SPAG7: variants seen among roughly 807,000 people sequenced by gnomAD.
SPAG7 encodes the protein sperm associated antigen 7, also known as sperm-associated antigen 7.
In SPAG7, 20 loss-of-function variants were observed where a neutral mutation model predicts 30.6. The observed-to-expected ratio is 0.65, with a 90% confidence interval of 0.46 to 0.95. The LOEUF (loss-of-function observed/expected upper bound fraction) is 0.95. SPAG7 is among the 40% of genes least tolerant of loss of function. The pLI, the probability that SPAG7 is intolerant of heterozygous loss-of-function variation, is 0.00. For synonymous variants in SPAG7, 127 were observed against 104.2 expected (o/e 1.22, Z -1.33); for missense variants, 276 against 291.1 (o/e 0.95, Z 0.38).
intron 1 of SPAG7, among the ~76,000 whole-genome samples, chr17:4,962,315 T>C (rs1971876170): frequency 6.6e-6 from 1 of 152,186 alleles, no homozygotes; most frequent in African/African-American, 2.4e-5. Context: ...GGTTTCACCA[T>C]GTTGGCCAGG....
intron 2 of SPAG7, 83 bp from the exon 3 acceptor site, chr17:4,960,630 A>G (rs950757345): frequency 1.5e-6 from 2 of 1,359,022 alleles, no homozygotes; most frequent in Middle Eastern, 1.8e-4. Flanking sequence ...GGGCCCTTCT[A>G]CGCCTCCCCA....
At chr17:4,965,143 C>T (rs993919573) in intron 1 of SPAG7, among the ~76,000 whole-genome samples, 9 of 151,952 alleles carry the variant, frequency 5.9e-5, no homozygotes, top group Non-Finnish European at 4.4e-5. Context: ...GAACTCCCGA[C>T]GTCAGGTGAT....
intron 1 of SPAG7, among the ~76,000 whole-genome samples, chr17:4,964,374 T>TTC (rs1201098133): frequency 6.7e-6 from 1 of 148,998 alleles, no homozygotes; most frequent in African/African-American, 2.5e-5. Flanking sequence ...TTTTTTTTTT[T>TTC]TTTTTGAGAC....
rs1223471565 is a variant in SPAG7 at position 4,959,931 on chromosome 17, G to T, written c.418-15C>A. 5.0e-6 allele frequency: 8 copies of T among 1,612,622 alleles called. No homozygotes were observed. Among genetic ancestry groups the T allele is most frequent in the Non-Finnish European group, 5.9e-6 (7 of 1,179,876 alleles). The stretch of plus-strand genomic sequence containing the variant: ...TGGGCCAGCTCCTAGGGGTGAAAGT[G>T]GGGGCACTGGTGCTCAGGGCCCCAG... On this transcript the variant is annotated splice_polypyrimidine_tract_variant and intron_variant, in intron 5 of 6. Transcript: ENST00000206020.
rs238224 is a variant in SPAG7 at position 4,960,115 on chromosome 17, A to G, written c.328-4T>C. On this transcript the variant is annotated splice_polypyrimidine_tract_variant and splice_region_variant and intron_variant, in intron 4 of 6. Transcript: ENST00000206020. Reference sequence around the variant, plus strand: ...CTTCATCTGAGGGTGCAAACTCCTGAAGAAGAGCAGAATGATGGGGTCAGA... The same window carrying G: ...CTTCATCTGAGGGTGCAAACTCCTGGAGAAGAGCAGAATGATGGGGTCAGA... The G allele has an allele frequency of 0.82, 1,324,344 of 1,612,340 alleles. 550,499 individuals carry two copies. Among genetic ancestry groups the G allele is most frequent in the Middle Eastern group, 0.88 (5,313 of 6,060 alleles).
Position 4,959,333 on chromosome 17 carries a change from T to TCA in SPAG7, c.*200_*201insTG, listed in dbSNP as rs1203096206. 1.5e-5 allele frequency: 9 copies of TCA among 587,768 alleles called. No homozygotes were observed. Among genetic ancestry groups the TCA allele is most frequent in the Non-Finnish European group, 2.1e-5 (7 of 329,502 alleles). The allele number at this position is 587,768 out of a possible 1,614,324, so 36.4% of individuals were successfully genotyped here. Reference sequence around the variant, plus strand: ...TAAATACCCACCTGTGCATTCACACTCTCACACACACACACACATGCCACG... The same window carrying TCA: ...TAAATACCCACCTGTGCATTCACACTCACTCACACACACACACACATGCCACG... On this transcript the variant is annotated 3_prime_UTR_variant, in exon 7 of 7. Coordinates refer to ENST00000206020, the MANE Select transcript of SPAG7 (RefSeq NM_004890.3).
rs200013945 is a variant in SPAG7, at chr17:4,960,432, T to C, written c.242+27A>G. The C allele has an allele frequency of 8.4e-4, 1,352 of 1,605,024 alleles. 14 individuals carry two copies. The African/African-American group carries it at 0.016, about 19-fold the overall frequency. The stretch of plus-strand genomic sequence containing the variant: ...CATGCCCCGCTAGCCACCCATTTCC[T>C]TCCTCCCCCAGCCCAGGGACACTCA... On this transcript the variant is annotated intron_variant, in intron 3 of 6. Transcript: ENST00000206020.
chr17:4,964,612 C>T (rs567923846), intron 1 of SPAG7, among the ~76,000 whole-genome samples: 30 of 152,184 alleles, frequency 2.0e-4, no homozygotes, highest in Admixed American at 5.9e-4. Flanking sequence ...CCACCCGCCT[C>T]GGCCTCCCAA....
In SPAG7 at chr17:4,959,569, G is replaced by T; in HGVS notation, c.649C>A (p.Arg217=). ...GGCGGCAACTCTTCCCCACTCTGCC[G>T]CAGACGCTTCTTGGCTCTGATCTCA... ...MNEIRAKKRL[R]QSGEELPPTS The change falls in exon 7 of 7, where the codon CGG becomes AGG. Residue 217 remains arginine, a synonymous_variant. Transcript: ENST00000206020. The T allele has an allele frequency of 1.9e-6, 3 of 1,613,904 alleles. No homozygotes were observed. The highest frequency in any genetic ancestry group is 2.5e-6 in the Non-Finnish European group (3 of 1,179,994).
intron 1 of SPAG7, chr17:4,966,540 A>C: frequency 6.2e-6 from 6 of 962,976 alleles, no homozygotes; most frequent in Non-Finnish European, 7.4e-6. Flanking sequence ...CTCCTTTCTC[A>C]GAGATTTCAA....
intron 1 of SPAG7, among the ~76,000 whole-genome samples, chr17:4,961,121 G>A (rs1446294127): frequency 6.6e-6 from 1 of 152,150 alleles, no homozygotes; most frequent in Non-Finnish European, 1.5e-5. Context: ...ATACATACAT[G>A]CCTATGATAA....
chr17:4,962,924 G>T (rs867873368), intron 1 of SPAG7, among the ~76,000 whole-genome samples: 1 of 150,586 alleles, frequency 6.6e-6, no homozygotes, highest in African/African-American at 2.4e-5. Context: ...CCCAGCCTTG[G>T]CTAATTTTTT....
At chr17:4,962,738 CGGGG>C (rs1567676726) in intron 1 of SPAG7, among the ~76,000 whole-genome samples, 1 of 151,672 alleles carries the variant, frequency 6.6e-6, no homozygotes, top group Non-Finnish European at 1.5e-5. Flanking sequence ...TTATTAGAGA[CGGGG>C]TTTCACTATG....
intron 1 of SPAG7, among the ~76,000 whole-genome samples, chr17:4,964,212 A>G (rs1597713828): frequency 6.6e-6 from 1 of 151,976 alleles, no homozygotes; most frequent in Non-Finnish European, 1.5e-5. Flanking sequence ...GAGGAGGAAG[A>G]ATTTCTAACC....
At chr17:4,962,216 C>T (rs148131371) in intron 1 of SPAG7, among the ~76,000 whole-genome samples, 3 of 152,230 alleles carry the variant, frequency 2.0e-5, no homozygotes, top group Admixed American at 6.5e-5. Flanking sequence ...CAGGTTCAAG[C>T]GATTCTCCTG....
At chr17:4,964,643 G>C (rs1042017026) in intron 1 of SPAG7, among the ~76,000 whole-genome samples, 5 of 152,094 alleles carry the variant, frequency 3.3e-5, no homozygotes, top group African/African-American at 1.2e-4. Flanking sequence ...TTATAGGCGT[G>C]AGCCACCGCA....
In SPAG7 at chr17:4,959,571, A is replaced by T. The variant is rs1243042758; in HGVS notation, c.647T>A (p.Leu216Gln). 6.2e-7 allele frequency: 1 copy of T among 1,614,038 alleles called. No homozygotes were observed. Among genetic ancestry groups the T allele is most frequent in the African/African-American group, 1.3e-5 (1 of 75,054 alleles). ...CGGCAACTCTTCCCCACTCTGCCGC[A>T]GACGCTTCTTGGCTCTGATCTCATT... is the stretch of plus-strand genomic sequence containing the variant. ...AMNEIRAKKRLRQSGEELPPT... is the reference protein window; with the variant it reads ...AMNEIRAKKRQRQSGEELPPT... Residue 216 changes from leucine to glutamine, a missense_variant, in exon 7 of 7, where the codon CTG (leucine) becomes CAG (glutamine). Physicochemically the swap from Leu to Gln is moderately radical, Grantham distance 113 (BLOSUM62 -2). Transcript: ENST00000206020.
chr17:4,959,292 G>A lies in SPAG7; in HGVS notation c.*242C>T, dbSNP rs1354150547. The A allele has an allele frequency of 1.8e-5, 10 of 544,094 alleles. No individual in the cohort carries two copies. The highest frequency in any genetic ancestry group is 5.3e-5 in the South Asian group (2 of 37,598). 33.7% of individuals were successfully genotyped at this position (544,094 alleles called of 1,614,324 possible). On this transcript the variant is annotated 3_prime_UTR_variant, in exon 7 of 7. Coordinates refer to ENST00000206020, the MANE Select transcript of SPAG7 (RefSeq NM_004890.3). ...CCATGGGGAAGAAAATTCCAAGAAC[G>A]GGGAATAATACAGATTAAATACCCA...
rs538789750 is a variant in SPAG7 at position 4,965,852 on chromosome 17, CTATT to C, written c.85+1864_85+1867del. 3.1e-3 allele frequency: 374 copies of C among 120,444 alleles called. 3 individuals are homozygous for C. The highest frequency in any genetic ancestry group is 0.018 in the South Asian group (77 of 4,360). The allele number at this position is 120,444 out of a possible 1,614,324, so 7.5% of individuals were successfully genotyped here. ...TTTATTTATTTATTTATTTATTTAT[CTATT>C]TATTTATTTATTTATGAGACGGAGT... On this transcript the variant is annotated intron_variant, in intron 1 of 6. Transcript: ENST00000206020.
Sources: allele counts gnomAD v4.1 joint callset (sites outside exome capture counted in the v4.1 genomes callset), GRCh38; gene constraint gnomAD v4.1.1; transcripts MANE v1.5; gene names NCBI Gene and HGNC (gene_info 2026-07-23, HGNC 2026-07-21).